LMBR1L: variants seen among roughly 807,000 people sequenced by gnomAD.
LMBR1L encodes the protein limb development membrane protein 1 like.
A neutral mutation model predicts 67.3 loss-of-function variants in LMBR1L; 47 were observed. The observed-to-expected ratio is 0.70, with a 90% confidence interval of 0.55 to 0.89. LMBR1L has a LOEUF of 0.89. Ranked by LOEUF, LMBR1L falls within the 40% of genes least tolerant of loss-of-function variation. LMBR1L has a pLI of 0.00. For missense variants in LMBR1L, 533 were observed against 599.2 expected, an observed-to-expected ratio of 0.89 and a Z score of 1.15; for synonymous variants, 247 against 250.3, an observed-to-expected ratio of 0.99 and a Z score of 0.13.
Position 49,097,527 on chromosome 12 carries a change from G to T in LMBR1L, c.*145C>A. 1.3e-6 allele frequency: 1 copy of T among 763,958 alleles called. No homozygotes were observed. Among genetic ancestry groups the T allele is most frequent in the Non-Finnish European group, 2.2e-6 (1 of 450,222 alleles). 47.3% of individuals were successfully genotyped at this position (763,958 alleles called of 1,614,324 possible). ...GGTCCCAAACTCTGGCTCAGATTAT[G>T]CAATAGTGCAGATGGCTCTGCTCCC... On this transcript the variant is annotated 3_prime_UTR_variant, in exon 17 of 17. Coordinates refer to ENST00000267102, the MANE Select transcript of LMBR1L (RefSeq NM_018113.4).
chr12:49,098,232 C>A (rs1310027315), intron 15 of LMBR1L, 127 bp from the exon 16 acceptor site: 14 of 971,230 alleles, frequency 1.4e-5, no homozygotes, highest in Non-Finnish European at 2.2e-5. Flanking sequence ...TCTCCCAATT[C>A]TACCACCCAA....
chr12:49,097,835 T>C, intron 16 of LMBR1L, 96 bp from the exon 17 acceptor site: 1 of 1,594,756 alleles, frequency 6.3e-7, no homozygotes, highest in Non-Finnish European at 8.6e-7. Context: ...TGAGGTACGT[T>C]ACCCACAAAG....
At chr12:49,102,040 C>A in intron 11 of LMBR1L, 80 bp downstream of exon 11, 2 of 1,210,548 alleles carry the variant, frequency 1.7e-6, no homozygotes, top group Non-Finnish European at 1.2e-6. Flanking sequence ...ATAACCAGGT[C>A]CCTGCATTGC....
At position 49,106,977 on chromosome 12, in the gene LMBR1L, A is replaced by G; in HGVS notation, c.141T>C (p.Pro47=). The change falls in exon 2 of 17, where the codon CCT becomes CCC. Residue 47 remains proline, a synonymous_variant. Transcript: ENST00000267102. ...CHIFLTRFKK[P]AEFTTVDDED... ...TCAAAGTACCTGTGGTGAACTCAGC[A>G]GGCTTCTTGAAGCGGGTCAGGAAGA... 6.2e-7 allele frequency: 1 copy of G among 1,612,416 alleles called. No homozygotes were observed.
chr12:49,101,667 A>G (rs1940208523), intron 11 of LMBR1L, 118 bp from the exon 12 acceptor site: 4 of 703,508 alleles, frequency 5.7e-6, no homozygotes, highest in Middle Eastern at 3.7e-4. Flanking sequence ...TCTGCTTCCA[A>G]TGAGCTATAT....
At chr12:49,105,812 A>C in intron 3 of LMBR1L, 112 bp downstream of exon 3, 1 of 847,060 alleles carries the variant, frequency 1.2e-6, no homozygotes, top group Non-Finnish European at 1.8e-6. Flanking sequence ...GTGGAAACAG[A>C]AACTCTCTCT....
At position 49,104,299 on chromosome 12, in the gene LMBR1L, C is replaced by T; in HGVS notation, c.435+149G>A. ...CATTTCCTCCCTTTGTCCCTACAGG[C>T]CTAAGGGTGGTAATGACTTCCTACT... On this transcript the variant is annotated intron_variant, in intron 5 of 16. Transcript: ENST00000267102. 9 of 688,722 alleles carry T rather than the reference C, an allele frequency of 1.3e-5. No individual in the cohort carries two copies. In the South Asian group the frequency reaches 1.6e-4, roughly 12 times the overall value. 42.7% of individuals were successfully genotyped at this position (688,722 alleles called of 1,614,324 possible). A position where few individuals can be genotyped will look rare whatever the true frequency, so the allele number is the denominator to read the frequency against.
Position 49,100,375 on chromosome 12 carries a change from T to C in LMBR1L, c.1240+13A>G, listed in dbSNP as rs2120914291. Reference sequence around the variant, plus strand: ...AAAATCCAATTCCTTTATCTCCTCCTTTCAATACTTACCCAGGGTTCGAGA... The same window carrying C: ...AAAATCCAATTCCTTTATCTCCTCCCTTCAATACTTACCCAGGGTTCGAGA... On this transcript the variant is annotated intron_variant, in intron 15 of 16. Transcript: ENST00000267102. 1 of 1,590,916 alleles carries C rather than the reference T, an allele frequency of 6.3e-7. No homozygotes were observed. Among genetic ancestry groups the C allele is most frequent in the East Asian group, 2.2e-5 (1 of 44,858 alleles).
chr12:49,102,113 T>G lies in LMBR1L; in HGVS notation c.930+7A>C. The stretch of plus-strand genomic sequence containing the variant: ...CCACTCCTCACCTCTAGGGCTGGTA[T>G]ACCTACCGTCAGCACCAGCAAGCAC... On this transcript the variant is annotated splice_region_variant and intron_variant, in intron 11 of 16. Coordinates refer to ENST00000267102, the MANE Select transcript of LMBR1L (RefSeq NM_018113.4). 1 of 1,613,552 alleles carries G rather than the reference T, an allele frequency of 6.2e-7. No homozygotes were observed. The highest frequency in any genetic ancestry group is 8.5e-7 in the Non-Finnish European group (1 of 1,179,490).
chr12:49,103,769 G>A lies in LMBR1L; in HGVS notation c.480C>T (p.Leu160=), dbSNP rs144737452. 5.3e-5 allele frequency: 85 copies of A among 1,613,936 alleles called. No homozygotes were observed. Among genetic ancestry groups the A allele is most frequent in the Non-Finnish European group, 7.2e-5 (85 of 1,179,996 alleles). ...CCATACCTAGCACCAGCAGAGTGAG[G>A]AGCATCAACATCACCACTGTCTCAT... ...RVYETVVMLM[L]LTLLVLGMVW... Residue 160 remains leucine (L), a synonymous_variant, in exon 6 of 17, where the codon CTC becomes CTT. Coordinates refer to ENST00000267102, the MANE Select transcript of LMBR1L (RefSeq NM_018113.4).
rs371523859 is a variant in LMBR1L at position 49,097,662 on chromosome 12, C to T, written c.*10G>A. 2 of 1,612,940 alleles carry T rather than the reference C, an allele frequency of 1.2e-6. No individual in the cohort carries two copies. The highest frequency in any genetic ancestry group is 2.2e-5 in the East Asian group (1 of 44,902). ...TGTCCAGTTTTTTCCTTCCCACCCC[C>T]AGCTGGAGGTCACTGGTGCTGGGTC... is the stretch of plus-strand genomic sequence containing the variant. On this transcript the variant is annotated 3_prime_UTR_variant, in exon 17 of 17. Transcript: ENST00000267102.
Position 49,110,681 on chromosome 12 carries a change from C to T in LMBR1L, c.-126G>A. The T allele has an allele frequency of 1.3e-6, 1 of 793,420 alleles. No homozygotes were observed. The highest frequency in any genetic ancestry group is 1.4e-5 in the South Asian group (1 of 69,054). The allele number at this position is 793,420 out of a possible 1,614,324, so 49.1% of individuals were successfully genotyped here. A position where few individuals can be genotyped will look rare whatever the true frequency, so the allele number is the denominator to read the frequency against. On this transcript the variant is annotated 5_prime_UTR_variant, in exon 1 of 17. Coordinates refer to ENST00000267102, the MANE Select transcript of LMBR1L (RefSeq NM_018113.4). ...CTTTCCTCGCAGCCTGCGACAGAAA[C>T]TCGGGGCAGTCTGGGGCTCAGATAC...
intron 13 of LMBR1L, chr12:49,100,875 G>C (rs1472354147): frequency 1.8e-6 from 1 of 567,346 alleles, no homozygotes; most frequent in East Asian, 3.1e-5. Flanking sequence ...ATGCAAGCAC[G>C]CACCACCACG....
At chr12:49,108,351 CAA>C (rs758716393) in intron 1 of LMBR1L, among the ~76,000 whole-genome samples, 3 of 152,080 alleles carry the variant, frequency 2.0e-5, no homozygotes, top group Non-Finnish European at 4.4e-5. Context: ...ATCACGAGGT[CAA>C]GAGATCAAGA....
intron 15 of LMBR1L, among the ~76,000 whole-genome samples, chr12:49,100,137 C>T (rs545923582): frequency 7.2e-5 from 11 of 152,276 alleles, no homozygotes; most frequent in African/African-American, 1.9e-4. Context: ...GAAAAGTGTG[C>T]TCCCTGACCA....
rs759635539 is a variant in LMBR1L at position 49,101,339 on chromosome 12, G to GT, written c.1009-17dup. 2.2e-5 allele frequency: 35 copies of GT among 1,613,250 alleles called. No individual in the cohort carries two copies. The Admixed American group carries it at 4.2e-4, about 19-fold the overall frequency. The stretch of plus-strand genomic sequence containing the variant: ...AGGAGGTACCCTGAGGAGTGGGGCA[G>GT]TATCACTGTGAGCATTCCCCACCAT... On this transcript the variant is annotated splice_polypyrimidine_tract_variant and intron_variant, in intron 12 of 16. Transcript: ENST00000267102.
chr12:49,097,528 CA>C lies in LMBR1L; in HGVS notation c.*143del. 1 of 775,024 alleles carries C rather than the reference CA, an allele frequency of 1.3e-6. No individual in the cohort carries two copies. Among genetic ancestry groups the C allele is most frequent in the South Asian group, 1.6e-5 (1 of 63,184 alleles). The allele number at this position is 775,024 out of a possible 1,614,324, so 48.0% of individuals were successfully genotyped here. Reference sequence around the variant, plus strand: ...GTCCCAAACTCTGGCTCAGATTATGCAATAGTGCAGATGGCTCTGCTCCCCT... The same window carrying C: ...GTCCCAAACTCTGGCTCAGATTATGCATAGTGCAGATGGCTCTGCTCCCCT... On this transcript the variant is annotated 3_prime_UTR_variant, in exon 17 of 17. Coordinates refer to ENST00000267102, the MANE Select transcript of LMBR1L (RefSeq NM_018113.4).
At chr12:49,104,677 G>A in intron 4 of LMBR1L, 69 bp downstream of exon 4, 1 of 1,601,180 alleles carries the variant, frequency 6.2e-7, no homozygotes. Flanking sequence ...ACGGCTGCCT[G>A]AGTCCACCCA....
rs1356010841 is a variant in LMBR1L at position 49,102,601 on chromosome 12, G to A, written c.697-61C>T. On this transcript the variant is annotated intron_variant, in intron 8 of 16. Transcript: ENST00000267102. The stretch of plus-strand genomic sequence containing the variant: ...AGGCTCCCTGACCCAAAGGCCCCAG[G>A]AGAACCCTGTTCTTCCCAGGGCTCC... The A allele has an allele frequency of 3.9e-6, 6 of 1,537,470 alleles. No homozygotes were observed. The East Asian group carries it at 9.0e-5, about 23-fold the overall frequency.
Sources: allele counts gnomAD v4.1 joint callset (sites outside exome capture counted in the v4.1 genomes callset), GRCh38; gene constraint gnomAD v4.1.1; transcripts MANE v1.5; gene names NCBI Gene and HGNC (gene_info 2026-07-23, HGNC 2026-07-21).